Variants in NR3C1 observed in about 807,000 individuals in gnomAD.
The protein encoded by NR3C1 is glucocorticoid receptor.
NR3C1 carries 14 observed loss-of-function variants against 74.0 expected under a neutral mutation model. The ratio of observed to expected loss-of-function variants is 0.19; its 90% CI spans 0.12 to 0.30. NR3C1 has a LOEUF of 0.30. Among genes scored for constraint, NR3C1 ranks in the 10% least tolerant of loss-of-function variants. The pLI is 1.00. For missense variants in NR3C1, 695 were observed against 909.8 expected (o/e 0.76, Z 3.04); for synonymous variants, 308 against 332.5 (o/e 0.93, Z 0.80).
intron 2 of NR3C1, among the ~76,000 whole-genome samples, chr5:143,359,901 G>A (rs1324364983): frequency 6.6e-6 from 1 of 152,174 alleles, no homozygotes; most frequent in African/African-American, 2.4e-5. Context: ...CTGGGCCACA[G>A]AACGAGACTC....
At chr5:143,349,217 T>G (rs1829824780) in intron 2 of NR3C1, among the ~76,000 whole-genome samples, 3 of 152,194 alleles carry the variant, frequency 2.0e-5, no homozygotes, top group Non-Finnish European at 4.4e-5. Context: ...AAGGATATCA[T>G]TTTCCTTACA....
chr5:143,281,810 C>G lies in NR3C1; in HGVS notation c.*79G>C. 7.0e-7 allele frequency: 1 copy of G among 1,423,860 alleles called. No individual in the cohort carries two copies. The allele number at this position is 1,423,860 out of a possible 1,614,324, so 88.2% of individuals were successfully genotyped here. On this transcript the variant is annotated 3_prime_UTR_variant, in exon 9 of 9. Coordinates refer to ENST00000394464, the MANE Select transcript of NR3C1 (RefSeq NM_000176.3). ...AATAAAAAATAAAACAACAAAACCT[C>G]TACAGGACAAACTGATAGTTTATAC...
At chr5:143,420,960 T>A (rs904482610) in intron 1 of NR3C1, among the ~76,000 whole-genome samples, 1 of 152,138 alleles carries the variant, frequency 6.6e-6, no homozygotes, top group Admixed American at 6.5e-5. Flanking sequence ...ACAAAGATAA[T>A]GGAAATTATT....
chr5:143,404,728 CAAGTTGCAGGCGAAATAGT>C (rs1268994860), upstream of NR3C1: 6 of 169,984 alleles, frequency 3.5e-5, no homozygotes, highest in African/African-American at 1.2e-4. Context: ...GGCTTAAAAG[CAAGTTGCAGGCGAAATAGT>C]AAGTTGCTGG....
At chr5:143,307,959 G>A (rs1820001824) in intron 4 of NR3C1, among the ~76,000 whole-genome samples, 1 of 152,164 alleles carries the variant, frequency 6.6e-6, no homozygotes, top group Non-Finnish European at 1.5e-5. Flanking sequence ...AAGAAAGTGG[G>A]CAGCTATCAT....
chr5:143,400,607 A>G lies in NR3C1; in HGVS notation c.233T>C (p.Leu78Pro). The G allele has an allele frequency of 6.2e-7, 1 of 1,614,268 alleles. No homozygotes were observed. The highest frequency in any genetic ancestry group is 2.2e-5 in the East Asian group (1 of 44,890). The stretch of plus-strand genomic sequence containing the variant: ...CATTGAGAGTGAAACTGCTTTGGAC[A>G]GATCTGGCTGCTGCGCATTGCTTAC... ...GSVSNAQQPDLSKAVSLSMGL... is the reference protein window; with the variant it reads ...GSVSNAQQPDPSKAVSLSMGL... The change falls in exon 2 of 9, where the codon CTG (leucine) becomes CCG (proline). Residue 78 changes from leucine (L) to proline (P), a missense_variant. Transcript: ENST00000394464.
chr5:143,328,904 G>T (rs33380), intron 2 of NR3C1, among the ~76,000 whole-genome samples: 3 of 151,962 alleles, frequency 2.0e-5, no homozygotes, highest in Non-Finnish European at 4.4e-5. Flanking sequence ...CAAGTCTCTA[G>T]GACGTTCCAA....
At chr5:143,412,009 A>G (rs1600666669) in intron 1 of NR3C1, among the ~76,000 whole-genome samples, 1 of 152,058 alleles carries the variant, frequency 6.6e-6, no homozygotes, top group East Asian at 1.9e-4. Flanking sequence ...CAAAGCAGTC[A>G]TCCAGCAGCT....
chr5:143,420,172 A>G (rs1751149730), intron 1 of NR3C1, among the ~76,000 whole-genome samples: 1 of 152,186 alleles, frequency 6.6e-6, no homozygotes, highest in African/African-American at 2.4e-5. Flanking sequence ...ATATTGTTCA[A>G]ACACACATGC....
rs1419136234 is a variant in NR3C1, at chr5:143,375,506, A to G, written c.1184+24150T>C. The G allele has an allele frequency of 2.0e-5, 3 of 152,236 alleles. No homozygotes were observed. In the East Asian group the frequency reaches 5.8e-4, roughly 29 times the overall value. 9.4% of individuals were successfully genotyped at this position (152,236 alleles called of 1,614,324 possible). The stretch of plus-strand genomic sequence containing the variant: ...ATGAGGTAGATTTGTTTGGACACGG[A>G]AAGATGTCTGTGATACATTTTTAAG... On this transcript the variant is annotated intron_variant, in intron 2 of 8. Coordinates refer to ENST00000394464, the MANE Select transcript of NR3C1 (RefSeq NM_000176.3).
At chr5:143,419,966 A>G (rs1751134554) in intron 1 of NR3C1, among the ~76,000 whole-genome samples, 1 of 152,190 alleles carries the variant, frequency 6.6e-6, no homozygotes, top group African/African-American at 2.4e-5. Flanking sequence ...ACCCACCCTC[A>G]GGGGCATATT....
chr5:143,377,618 A>G (rs1382475575), intron 2 of NR3C1, among the ~76,000 whole-genome samples: 1 of 152,254 alleles, frequency 6.6e-6, no homozygotes, highest in African/African-American at 2.4e-5. Flanking sequence ...ATGAGCACGC[A>G]GTGCAGCGCT....
At chr5:143,299,005 GTTTTTT>G (rs35039262) in intron 5 of NR3C1, among the ~76,000 whole-genome samples, 193 bp from the exon 6 acceptor site, 1 of 106,732 alleles carries the variant, frequency 9.4e-6, no homozygotes, top group Non-Finnish European at 1.9e-5. Flanking sequence ...ACCCTCTTGT[GTTTTTT>G]TTTTTTTTTT....
intron 7 of NR3C1, 167 bp downstream of exon 7, chr5:143,295,293 C>G (rs965112673): frequency 1.0e-6 from 1 of 985,158 alleles, no homozygotes; most frequent in African/African-American, 1.7e-5. Context: ...ATCTTGGTGT[C>G]ACTTACTGTG....
chr5:143,333,445 GTTATAGGC>G (rs1480470383), intron 2 of NR3C1, among the ~76,000 whole-genome samples: 1 of 152,132 alleles, frequency 6.6e-6, no homozygotes, highest in East Asian at 1.9e-4. Flanking sequence ...TAGCCTAAGA[GTTATAGGC>G]TTAAAGATGT....
At chr5:143,349,727 T>C (rs1398246100) in intron 2 of NR3C1, among the ~76,000 whole-genome samples, 1 of 152,196 alleles carries the variant, frequency 6.6e-6, no homozygotes, top group Non-Finnish European at 1.5e-5. Context: ...TATCATATAC[T>C]AGGCACTGGG....
At chr5:143,298,560 G>T in intron 6 of NR3C1, 108 bp downstream of exon 6, 1 of 1,224,544 alleles carries the variant, frequency 8.2e-7, no homozygotes, top group Non-Finnish European at 1.2e-6. Context: ...TAGATACCTA[G>T]TAGGATTGTT....
intron 7 of NR3C1, among the ~76,000 whole-genome samples, chr5:143,291,353 G>A (rs1249472157): frequency 2.0e-5 from 3 of 151,978 alleles, no homozygotes; most frequent in South Asian, 2.1e-4. Flanking sequence ...AGCCTCCTGA[G>A]TAGCTGGGAC....
At chr5:143,385,278 G>T (rs566630249) in intron 2 of NR3C1, among the ~76,000 whole-genome samples, 5 of 152,170 alleles carry the variant, frequency 3.3e-5, no homozygotes, top group Non-Finnish European at 7.4e-5. Flanking sequence ...TGCCATGAAG[G>T]TCTCTGACAT....
Sources: gnomAD v4.1 joint callset for allele counts (sites outside exome capture counted in the v4.1 genomes callset) on GRCh38, gnomAD v4.1.1 for gene constraint, MANE v1.5 for transcripts, NCBI Gene and HGNC (gene_info 2026-07-23, HGNC 2026-07-21) for gene names.